The following SH3GL3 variants were observed in gnomAD, a reference collection of about 807,000 sequenced individuals.
SH3GL3 encodes endophilin-A3.
In SH3GL3, 33 loss-of-function variants were observed where a neutral mutation model predicts 47.7. The ratio of observed to expected loss-of-function variants is 0.69; its 90% CI spans 0.52 to 0.92. SH3GL3 has a LOEUF of 0.92. SH3GL3 is among the 40% of genes least tolerant of loss of function. SH3GL3 has a pLI of 0.00. For synonymous variants in SH3GL3, 155 were observed against 148.8 expected (o/e 1.04, Z -0.30); for missense variants, 363 against 417.8 (o/e 0.87, Z 1.14).
At chr15:83,525,640 G>A (rs1338231129) in intron 1 of SH3GL3, among the ~76,000 whole-genome samples, 1 of 152,058 alleles carries the variant, frequency 6.6e-6, no homozygotes, top group African/African-American at 2.4e-5. Flanking sequence ...TCTTCTGGTA[G>A]TTCATAGTTT....
chr15:83,505,555 T>G (rs1015998107), intron 1 of SH3GL3, among the ~76,000 whole-genome samples: 2 of 137,356 alleles, frequency 1.5e-5, no homozygotes, highest in Non-Finnish European at 1.5e-5. Flanking sequence ...AGAGATGGAG[T>G]CTCACTCTCT....
chr15:83,496,651 G>A (rs1361579059), intron 1 of SH3GL3, among the ~76,000 whole-genome samples: 1 of 152,116 alleles, frequency 6.6e-6, no homozygotes, highest in African/African-American at 2.4e-5. Context: ...TATATTGACT[G>A]AATGGGAGGC....
the SH3GL3 span, among the ~76,000 whole-genome samples, chr15:83,625,527 C>A: frequency 6.6e-6 from 1 of 152,172 alleles, no homozygotes; most frequent in African/African-American, 2.4e-5. Context: ...AAATTCTTCC[C>A]CAGGAATTTA....
intron 1 of SH3GL3, among the ~76,000 whole-genome samples, chr15:83,513,684 T>A (rs1380456577): frequency 1.3e-5 from 2 of 152,154 alleles, no homozygotes; most frequent in Non-Finnish European, 2.9e-5. Flanking sequence ...TCCCACTAAA[T>A]CATGACCCTC....
At chr15:83,538,062 A>G (rs1045346696) in intron 1 of SH3GL3, among the ~76,000 whole-genome samples, 21 of 152,286 alleles carry the variant, frequency 1.4e-4, no homozygotes, top group Admixed American at 1.0e-3. Flanking sequence ...TAATGATTAA[A>G]TTTTGAAGTA....
chr15:83,515,376 G>T (rs1372367758), intron 1 of SH3GL3, among the ~76,000 whole-genome samples: 1 of 152,162 alleles, frequency 6.6e-6, no homozygotes, highest in Non-Finnish European at 1.5e-5. Flanking sequence ...ATGACAAATG[G>T]AATCGGAATG....
chr15:83,557,712 A>G (rs1048340107), intron 1 of SH3GL3, among the ~76,000 whole-genome samples: 14 of 152,196 alleles, frequency 9.2e-5, no homozygotes, highest in African/African-American at 3.4e-4. Flanking sequence ...GCTTGTTCAC[A>G]GGGTAGCAAC....
intron 1 of SH3GL3, among the ~76,000 whole-genome samples, chr15:83,507,591 T>C (rs1169159391): frequency 1.3e-5 from 2 of 151,738 alleles, no homozygotes; most frequent in Non-Finnish European, 2.9e-5. Context: ...ATTTTTGTAG[T>C]TTTAGTAGAG....
At chr15:83,547,327 T>C (rs2044451005) in intron 1 of SH3GL3, among the ~76,000 whole-genome samples, 1 of 152,158 alleles carries the variant, frequency 6.6e-6, no homozygotes, top group Admixed American at 6.5e-5. Flanking sequence ...GAAAGGCCTG[T>C]GTTGCTTTCC....
downstream of SH3GL3, among the ~76,000 whole-genome samples, chr15:83,622,487 G>A (rs2060917743): frequency 6.6e-6 from 1 of 152,210 alleles, no homozygotes; most frequent in Non-Finnish European, 1.5e-5. Flanking sequence ...TTTATTGGGA[G>A]CTATAGATTC....
At chr15:83,518,626 A>G (rs1250263515) in intron 1 of SH3GL3, among the ~76,000 whole-genome samples, 2 of 152,134 alleles carry the variant, frequency 1.3e-5, no homozygotes, top group Non-Finnish European at 2.9e-5. Flanking sequence ...TTCCTTGTAA[A>G]TTCTGGATAT....
intron 6 of SH3GL3, among the ~76,000 whole-genome samples, chr15:83,578,554 C>T (rs1017232785): frequency 1.3e-5 from 2 of 152,170 alleles, no homozygotes; most frequent in African/African-American, 2.4e-5. Context: ...GACATTCATC[C>T]TGGAGAATTT....
chr15:83,478,783 T>C (rs1476038532), intron 1 of SH3GL3, among the ~76,000 whole-genome samples: 1 of 152,172 alleles, frequency 6.6e-6, no homozygotes, highest in East Asian at 1.9e-4. Context: ...CACGGTGGAC[T>C]CAACTTTGGG....
chr15:83,533,000 T>A (rs148287883), intron 1 of SH3GL3, among the ~76,000 whole-genome samples: 4 of 152,348 alleles, frequency 2.6e-5, no homozygotes, highest in African/African-American at 9.6e-5. Flanking sequence ...TCTGGCATAG[T>A]GATCATTGCC....
chr15:83,474,289 C>T (rs746526322), intron 1 of SH3GL3, among the ~76,000 whole-genome samples: 4 of 152,126 alleles, frequency 2.6e-5, no homozygotes, highest in Non-Finnish European at 4.4e-5. Context: ...CAGCAGGTAG[C>T]GATGATGGTG....
rs536762163 is a variant in SH3GL3 at position 83,463,392 on chromosome 15, C to T, written c.45+15814C>T. Among the ~76,000 whole-genome samples the T allele has an allele frequency of 3.9e-5, 6 of 152,056 alleles. No homozygotes were observed. The South Asian group carries it at 1.2e-3, about 32-fold the overall frequency. On this transcript the variant is annotated intron_variant, in intron 1 of 8. Transcript: ENST00000427482. ...TCCAAGCAGCTTACATGAGCTTATC[C>T]TTTTTGTCAATAAAAGCTTCCTCTT... is the stretch of plus-strand genomic sequence containing the variant.
chr15:83,563,813 A>G (rs763601809), intron 2 of SH3GL3, among the ~76,000 whole-genome samples: 7 of 152,070 alleles, frequency 4.6e-5, no homozygotes, highest in Non-Finnish European at 1.0e-4. Flanking sequence ...TAATTTTTGC[A>G]TTTTTGTAGA....
At chr15:83,511,106 C>T (rs150085572) in intron 1 of SH3GL3, among the ~76,000 whole-genome samples, 111 of 152,066 alleles carry the variant, frequency 7.3e-4, no homozygotes, top group African/African-American at 2.4e-3. Context: ...CAAAGCTGCA[C>T]GTTGTGCACA....
chr15:83,501,002 C>T (rs945904805), intron 1 of SH3GL3, among the ~76,000 whole-genome samples: 1 of 152,196 alleles, frequency 6.6e-6, no homozygotes, highest in Non-Finnish European at 1.5e-5. Context: ...TTCTTGTCCT[C>T]TGTGTATCCC....
Sources: allele counts gnomAD v4.1 joint callset (sites outside exome capture counted in the v4.1 genomes callset), GRCh38; gene constraint gnomAD v4.1.1; transcripts MANE v1.5; gene names NCBI Gene and HGNC (gene_info 2026-07-23, HGNC 2026-07-21).